The following GRID2 variants were observed in gnomAD, a reference collection of about 807,000 sequenced individuals.
The protein encoded by GRID2 is glutamate ionotropic receptor delta type subunit 2, also known as glutamate receptor ionotropic, delta-2.
A neutral mutation model predicts 114.8 loss-of-function variants in GRID2; 33 were observed. The ratio of observed to expected loss-of-function variants is 0.29; its 90% CI spans 0.22 to 0.38. The LOEUF (loss-of-function observed/expected upper bound fraction) is 0.38, where lower values mean the gene tolerates loss of function less well. Among genes scored for constraint, GRID2 ranks in the 10% least tolerant of loss-of-function variants. The probability of loss-of-function intolerance (pLI) is 1.00; values close to 1 mark genes in which losing one functional copy is unlikely to be tolerated. For missense variants in GRID2, 1,184 were observed against 1,257.7 expected, an observed-to-expected ratio of 0.94 and a Z score of 0.89; for synonymous variants, 505 against 449.9, an observed-to-expected ratio of 1.12 and a Z score of -1.55.
At chr4:93,079,494 GT>G (rs1320895263) in intron 2 of GRID2, among the ~76,000 whole-genome samples, 2 of 151,604 alleles carry the variant, frequency 1.3e-5, no homozygotes, top group Non-Finnish European at 2.9e-5. Context: ...GGGCCTTTCT[GT>G]TTAAAAACAA....
chr4:93,808,371 G>C (rs1735070966), exon 2 of GRID2: 1 of 152,104 alleles, frequency 6.6e-6, no homozygotes, highest in African/African-American at 2.4e-5. Flanking sequence ...TACCTCACAG[G>C]GTTGTTGTGA....
chr4:93,632,179 T>A (rs1386960699), intron 14 of GRID2, among the ~76,000 whole-genome samples: 1 of 152,220 alleles, frequency 6.6e-6, no homozygotes, highest in African/African-American at 2.4e-5. Flanking sequence ...CTGTTCACTC[T>A]GATGGTAGTT....
At chr4:93,026,802 G>A (rs1256865251) in intron 2 of GRID2, among the ~76,000 whole-genome samples, 1 of 151,924 alleles carries the variant, frequency 6.6e-6, no homozygotes, top group Non-Finnish European at 1.5e-5. Context: ...AAGAACAAAT[G>A]AAATGCAAAT....
chr4:92,393,855 C>T (rs1034942511), intron 1 of GRID2, among the ~76,000 whole-genome samples: 4 of 152,090 alleles, frequency 2.6e-5, no homozygotes, highest in African/African-American at 4.8e-5. Context: ...AATGCCTTCC[C>T]AGTTACATAT....
chr4:93,480,656 TC>T, intron 11 of GRID2, among the ~76,000 whole-genome samples: 1 of 152,208 alleles, frequency 6.6e-6, no homozygotes, highest in Admixed American at 6.5e-5. Context: ...TTATAGTTAG[TC>T]ATCCACACCA....
intron 14 of GRID2, among the ~76,000 whole-genome samples, chr4:93,681,690 T>A (rs1184926929): frequency 6.6e-6 from 1 of 152,200 alleles, no homozygotes; most frequent in Admixed American, 6.5e-5. Flanking sequence ...AAGGATTCCC[T>A]ATTTAATAAG....
At chr4:93,408,305 C>A (rs1485977285) in intron 9 of GRID2, among the ~76,000 whole-genome samples, 1 of 152,000 alleles carries the variant, frequency 6.6e-6, no homozygotes, top group Non-Finnish European at 1.5e-5. Flanking sequence ...TGTAATATTA[C>A]ATTTGGTGAC....
At chr4:92,566,114 C>A (rs182781696) in intron 1 of GRID2, among the ~76,000 whole-genome samples, 12 of 151,928 alleles carry the variant, frequency 7.9e-5, no homozygotes, top group Non-Finnish European at 1.5e-4. Context: ...TGTCGATATG[C>A]CTAGCAGCTG....
chr4:92,672,858 T>C (rs771530973), intron 2 of GRID2, among the ~76,000 whole-genome samples: 3 of 152,260 alleles, frequency 2.0e-5, no homozygotes, highest in African/African-American at 4.8e-5. Flanking sequence ...TATTTTGAAA[T>C]GTACAATGAA....
intron 2 of GRID2, among the ~76,000 whole-genome samples, chr4:92,888,890 A>G (rs893552130): frequency 1.3e-4 from 19 of 151,986 alleles, no homozygotes; most frequent in African/African-American, 4.1e-4. Context: ...ACTAAAATCA[A>G]TGTTTCATGC....
chr4:93,125,259 A>G (rs1368007596), intron 4 of GRID2, among the ~76,000 whole-genome samples: 1 of 152,020 alleles, frequency 6.6e-6, no homozygotes, highest in East Asian at 1.9e-4. Context: ...ATATAAATGT[A>G]CCCATGTCTA....
intron 14 of GRID2, among the ~76,000 whole-genome samples, chr4:93,671,734 T>TGA (rs767608245): frequency 2.0e-5 from 3 of 152,074 alleles, no homozygotes; most frequent in Non-Finnish European, 2.9e-5. Flanking sequence ...TTTGGGAGAC[T>TGA]GAGGTGGGTG....
intron 2 of GRID2, among the ~76,000 whole-genome samples, chr4:93,021,447 TA>T (rs1350298792): frequency 6.7e-6 from 1 of 149,380 alleles, no homozygotes; most frequent in Non-Finnish European, 1.5e-5. Context: ...TATTTAATTT[TA>T]AAAATTATTA....
At chr4:93,614,830 G>C (rs1219385151) in intron 13 of GRID2, among the ~76,000 whole-genome samples, 1 of 152,088 alleles carries the variant, frequency 6.6e-6, no homozygotes, top group Non-Finnish European at 1.5e-5. Flanking sequence ...AATACTACAG[G>C]ACTAATTTAA....
intron 14 of GRID2, among the ~76,000 whole-genome samples, chr4:93,646,807 A>G (rs924839880): frequency 2.0e-5 from 3 of 152,060 alleles, no homozygotes; most frequent in African/African-American, 7.2e-5. Flanking sequence ...AACTGTTTGG[A>G]TGTTATATGA....
intron 2 of GRID2, chr4:92,833,733 A>C (rs1742272568): frequency 6.6e-6 from 1 of 152,316 alleles, no homozygotes; most frequent in East Asian, 1.9e-4. Flanking sequence ...AGGATGAACT[A>C]TTTTCAAAAT....
At chr4:92,441,665 G>A (rs1034973335) in intron 1 of GRID2, among the ~76,000 whole-genome samples, 4 of 152,224 alleles carry the variant, frequency 2.6e-5, no homozygotes, top group Non-Finnish European at 5.9e-5. Flanking sequence ...GCAGGCGAGT[G>A]ATAACAGGCT....
chr4:93,578,541 A>T (rs938745228), intron 13 of GRID2, among the ~76,000 whole-genome samples: 9 of 151,354 alleles, frequency 5.9e-5, no homozygotes, highest in Non-Finnish European at 1.3e-4. Context: ...AAGCTGATAT[A>T]TAGGTATCAC....
chr4:92,471,037 G>A (rs991912731), intron 1 of GRID2, among the ~76,000 whole-genome samples: 6 of 152,034 alleles, frequency 3.9e-5, no homozygotes, highest in Non-Finnish European at 8.8e-5. Flanking sequence ...GACAGCAAGT[G>A]GTAAATATAA....
Sources: allele counts gnomAD v4.1 joint callset (sites outside exome capture counted in the v4.1 genomes callset), GRCh38; gene constraint gnomAD v4.1.1; transcripts MANE v1.5; gene names NCBI Gene and HGNC (gene_info 2026-07-23, HGNC 2026-07-21).